NUMB: variants seen among roughly 807,000 people sequenced by gnomAD.
NUMB encodes the protein NUMB endocytic adaptor protein.
In NUMB, 29 loss-of-function variants were observed where a neutral mutation model predicts 59.7. The observed-to-expected ratio is 0.49, with a 90% CI of 0.36 to 0.66. The LOEUF (loss-of-function observed/expected upper bound fraction) is 0.66. Ranked by LOEUF, NUMB falls within the 30% of genes least tolerant of loss-of-function variation. NUMB has a pLI of 0.00. For synonymous variants in NUMB, 288 were observed against 288.2 expected (o/e 1.00, Z 0.01); for missense variants, 723 against 822.0 (o/e 0.88, Z 1.47).
chr14:73,291,370 C>T (rs938223228), intron 8 of NUMB, among the ~76,000 whole-genome samples: 1 of 151,466 alleles, frequency 6.6e-6, no homozygotes. Flanking sequence ...CGTGAGCCAC[C>T]GTGCCTGGCC....
At chr14:73,368,575 C>T (rs1407385165) in intron 2 of NUMB, among the ~76,000 whole-genome samples, 1 of 151,194 alleles carries the variant, frequency 6.6e-6, no homozygotes, top group East Asian at 1.9e-4. Flanking sequence ...AAGAGCAAGA[C>T]TCCGTCTCCA....
intron 2 of NUMB, among the ~76,000 whole-genome samples, chr14:73,384,302 G>C (rs1226983826): frequency 6.6e-6 from 1 of 151,920 alleles, no homozygotes; most frequent in African/African-American, 2.4e-5. Context: ...TGTTAGCCAG[G>C]ATGGTCTCGA....
chr14:73,346,974 A>G (rs1892952918), intron 4 of NUMB, among the ~76,000 whole-genome samples: 1 of 152,150 alleles, frequency 6.6e-6, no homozygotes, highest in Non-Finnish European at 1.5e-5. Flanking sequence ...CAAAACACAA[A>G]AGGAAATCAC....
At chr14:73,285,237 G>A (rs150185056) in intron 9 of NUMB, 1 of 152,304 alleles carries the variant, frequency 6.6e-6, no homozygotes, top group East Asian at 1.9e-4. Context: ...TTGAGTAAAT[G>A]TAAGACTGTG....
At chr14:73,352,511 TATATATATATATATATA>T (rs537425655) in intron 4 of NUMB, among the ~76,000 whole-genome samples, 462 of 19,742 alleles carry the variant, frequency 0.023, 85 homozygotes, top group Non-Finnish European at 0.031. Flanking sequence ...TATATATATA[TATATATATATATATATA>T]TGTTTTTTTT....
chr14:73,336,595 C>T (rs1360779794), intron 4 of NUMB, among the ~76,000 whole-genome samples: 1 of 152,148 alleles, frequency 6.6e-6, no homozygotes, highest in Admixed American at 6.5e-5. Flanking sequence ...CTGAACACCC[C>T]AGGCTTTCAT....
At chr14:73,293,028 G>A (rs1889497952) in intron 7 of NUMB, among the ~76,000 whole-genome samples, 154 bp from the exon 8 acceptor site, 1 of 152,164 alleles carries the variant, frequency 6.6e-6, no homozygotes, top group African/African-American at 2.4e-5. Flanking sequence ...TAAATACTGA[G>A]AATTGGACTC....
chr14:73,384,518 A>G (rs1220952105), intron 2 of NUMB, among the ~76,000 whole-genome samples: 1 of 152,228 alleles, frequency 6.6e-6, no homozygotes, highest in Non-Finnish European at 1.5e-5. Flanking sequence ...GTAACACAGG[A>G]AAGAATCAAC....
At chr14:73,433,487 T>C (rs1897921852) in intron 1 of NUMB, among the ~76,000 whole-genome samples, 1 of 152,166 alleles carries the variant, frequency 6.6e-6, no homozygotes, top group Non-Finnish European at 1.5e-5. Context: ...ACAATTTTCA[T>C]CAACTTCCTT....
rs569687849 is a variant in NUMB at position 73,304,537 on chromosome 14, G to T, written c.235-7252C>A. 6.6e-5 allele frequency among the ~76,000 whole-genome samples: 10 copies of T among 152,174 alleles called. No homozygotes were observed. The East Asian group carries it at 1.9e-3, about 29-fold the overall frequency. ...TTGCCCAGGCTGGTCTCAAGTTCTG[G>T]CTTCAAGTGATCCTCCCACCTCAGC... is the stretch of plus-strand genomic sequence containing the variant. On this transcript the variant is annotated intron_variant, in intron 6 of 12. Coordinates refer to ENST00000555238, the MANE Select transcript of NUMB (RefSeq NM_001005743.2).
At chr14:73,286,320 A>G (rs1889002355) in intron 9 of NUMB, 2 of 149,166 alleles carry the variant, frequency 1.3e-5, no homozygotes, top group Non-Finnish European at 1.5e-5. Context: ...TTACAGCTGT[A>G]AGCCACTATA....
intron 1 of NUMB, among the ~76,000 whole-genome samples, chr14:73,417,555 A>T (rs1897182349): frequency 6.6e-6 from 1 of 152,084 alleles, no homozygotes; most frequent in Non-Finnish European, 1.5e-5. Flanking sequence ...CTCTCTCAAA[A>T]AAAAAAAAAG....
intron 4 of NUMB, among the ~76,000 whole-genome samples, chr14:73,345,705 C>T (rs565384918): frequency 3.1e-3 from 468 of 151,930 alleles, no homozygotes; most frequent in Middle Eastern, 0.02. Flanking sequence ...GTCAGGAGTT[C>T]GAGACCAGCC....
chr14:73,424,780 CA>C (rs1362429711), intron 1 of NUMB, among the ~76,000 whole-genome samples: 1 of 152,164 alleles, frequency 6.6e-6, no homozygotes, highest in East Asian at 1.9e-4. Context: ...TCCACTAATT[CA>C]AACCCCAAAT....
intron 5 of NUMB, among the ~76,000 whole-genome samples, chr14:73,321,003 T>C (rs1372729046): frequency 6.6e-6 from 1 of 152,112 alleles, no homozygotes; most frequent in African/African-American, 2.4e-5. Context: ...TTCATTTGTA[T>C]TTTATACAAT....
intron 6 of NUMB, among the ~76,000 whole-genome samples, chr14:73,313,271 C>T (rs1316957349): frequency 6.6e-6 from 1 of 151,784 alleles, no homozygotes; most frequent in South Asian, 2.1e-4. Flanking sequence ...CTGGAGCCAC[C>T]GCGCCCAGCC....
At chr14:73,372,540 A>G (rs1894763961) in intron 2 of NUMB, among the ~76,000 whole-genome samples, 1 of 150,304 alleles carries the variant, frequency 6.7e-6, no homozygotes. Context: ...ATTAAAAACC[A>G]CAACTTCCAA....
chr14:73,340,763 T>C (rs1364561777), intron 4 of NUMB, among the ~76,000 whole-genome samples: 1 of 152,196 alleles, frequency 6.6e-6, no homozygotes, highest in Non-Finnish European at 1.5e-5. Context: ...ATAGGAGATT[T>C]AATTAATGGC....
At chr14:73,316,445 C>T (rs1276822758) in intron 5 of NUMB, 23 bp from the exon 6 acceptor site, 15 of 1,611,836 alleles carry the variant, frequency 9.3e-6, no homozygotes, top group African/African-American at 1.3e-5. Flanking sequence ...GGGGACAAGT[C>T]GAGTGCTATT....
Sources: allele counts gnomAD v4.1 joint callset (sites outside exome capture counted in the v4.1 genomes callset), GRCh38; gene constraint gnomAD v4.1.1; transcripts MANE v1.5; gene names NCBI Gene and HGNC (gene_info 2026-07-23, HGNC 2026-07-21).